Variants in DENND1C observed in about 807,000 individuals in gnomAD.
DENND1C encodes the protein DENN domain containing 1C, also known as DENN domain-containing protein 1C.
Under a neutral mutation model 87.9 loss-of-function variants are expected in DENND1C, and 64 were observed. The observed-to-expected ratio is 0.73, with a 90% confidence interval of 0.60 to 0.90. The LOEUF is 0.90. Among genes scored for constraint, DENND1C ranks in the 40% least tolerant of loss-of-function variants. DENND1C has a pLI of 0.00. For synonymous variants in DENND1C, 384 were observed against 424.4 expected (o/e 0.90, Z 1.17); for missense variants, 980 against 1,037.0 (o/e 0.95, Z 0.76).
intron 17 of DENND1C, among the ~76,000 whole-genome samples, 158 bp from the exon 18 acceptor site, chr19:6,470,524 C>T (rs1211764627): frequency 6.6e-6 from 1 of 151,808 alleles, no homozygotes; most frequent in East Asian, 1.9e-4. Flanking sequence ...TACCTGGTGA[C>T]TTGCGGAGTT....
At chr19:6,476,042 T>G in intron 10 of DENND1C, 105 bp from the exon 11 acceptor site, 1 of 1,058,674 alleles carries the variant, frequency 9.4e-7, no homozygotes, top group Non-Finnish European at 1.3e-6. Flanking sequence ...CCCCTCCCCA[T>G]CCACTGCTGG....
chr19:6,470,407 G>C (rs2092821034), intron 17 of DENND1C, 41 bp from the exon 18 acceptor site: 1 of 1,586,932 alleles, frequency 6.3e-7, no homozygotes. Flanking sequence ...GCTAGGGCCA[G>C]ATCCCACCTC....
At chr19:6,474,103 G>A (rs946053652) in intron 14 of DENND1C, among the ~76,000 whole-genome samples, 14 of 151,926 alleles carry the variant, frequency 9.2e-5, no homozygotes, top group African/African-American at 3.1e-4. Flanking sequence ...GCTGAGGCAG[G>A]AGAATTGCTT....
rs368883834 is a variant in DENND1C at position 6,475,537 on chromosome 19, C to T, written c.874G>A (p.Ala292Thr). The change falls in exon 13 of 23, where the codon GCC becomes ACC. Residue 292 changes from alanine to threonine, a missense_variant. Ala to Thr is a moderately conservative substitution (Grantham distance 58). Coordinates refer to ENST00000381480, the MANE Select transcript of DENND1C (RefSeq NM_024898.4). ...LEDVVVLNVD[A>T]NTLETTFNDV... is the part of the protein sequence containing the mutation. ...TTAAAGGTCGTCTCCAAGGTATTGGCGTCCACGTTCAGCACCACGACGTCC... is the reference window on the plus strand; with the variant it reads ...TTAAAGGTCGTCTCCAAGGTATTGGTGTCCACGTTCAGCACCACGACGTCC... 32 of 1,613,834 alleles carry T rather than the reference C, an allele frequency of 2.0e-5. No homozygotes were observed. Among genetic ancestry groups the T allele is most frequent in the African/African-American group, 2.7e-5 (2 of 74,908 alleles).
chr19:6,479,902 T>G lies in DENND1C; in HGVS notation c.83A>C (p.Asp28Ala). 1 of 1,603,220 alleles carries G rather than the reference T, an allele frequency of 6.2e-7. No homozygotes were observed. Among genetic ancestry groups the G allele is most frequent in the Non-Finnish European group, 8.5e-7 (1 of 1,175,196 alleles). Residue 28 changes from aspartate to alanine, a missense_variant and splice_region_variant, in exon 3 of 23, where the codon GAT becomes GCT. Transcript: ENST00000381480. ...EAACPASLQEDPPILRQFPPD... is the reference protein window; with the variant it reads ...EAACPASLQEAPPILRQFPPD... ...AGGGAACTGCCGCAGGATGGGGGGA[T>G]CTGTAGAAGAGAGCACGCCTCTAAG...
Position 6,467,439 on chromosome 19 carries a change from A to T in DENND1C, c.*65T>A, listed in dbSNP as rs2092801113. The T allele has an allele frequency of 2.1e-6, 3 of 1,454,824 alleles. No homozygotes were observed. The Middle Eastern group carries it at 7.4e-4, about 359-fold the overall frequency. 90.1% of individuals were successfully genotyped at this position (1,454,824 alleles called of 1,614,324 possible). ...CACCAGAGAAATTCACCAGGAAAAA[A>T]ACCAGCTTTTTTGGGCTCTTGTGGC... is the stretch of plus-strand genomic sequence containing the variant. On this transcript the variant is annotated 3_prime_UTR_variant, in exon 23 of 23. Transcript: ENST00000381480.
intron 14 of DENND1C, among the ~76,000 whole-genome samples, chr19:6,473,514 G>A (rs1248667026): frequency 5.1e-5 from 7 of 136,936 alleles, no homozygotes; most frequent in Non-Finnish European, 1.1e-4. Flanking sequence ...TCTGTCACCC[G>A]TGCTGGAGTG....
Position 6,477,096 on chromosome 19 carries a change from C to G in DENND1C, c.545G>C (p.Arg182Pro), listed in dbSNP as rs748555306. ...CACGTTCTCAGGGATGGATGGCAGG[C>G]GGCCGGAGTCCGGGGCCACGAAGCA... ...LSCFVAPDSGRLPSIPENRNL... is the reference protein window; with the variant it reads ...LSCFVAPDSGPLPSIPENRNL... The change falls in exon 9 of 23, where the codon CGC (arginine) becomes CCC (proline). Residue 182 changes from arginine to proline, a missense_variant. By Grantham distance (103) the Arg-to-Pro change is moderately radical. Transcript: ENST00000381480. The G allele has an allele frequency of 6.2e-7, 1 of 1,605,338 alleles. No homozygotes were observed.
chr19:6,471,524 C>A, intron 15 of DENND1C, 28 bp from the exon 16 acceptor site: 1 of 1,509,134 alleles, frequency 6.6e-7, no homozygotes, highest in Non-Finnish European at 8.9e-7. Context: ...AAATCAGAAA[C>A]AGCAGGAGAC....
intron 19 of DENND1C, 96 bp from the exon 20 acceptor site, chr19:6,469,049 G>C (rs1376310752): frequency 2.9e-6 from 2 of 699,244 alleles, no homozygotes; most frequent in Non-Finnish European, 4.1e-6. Context: ...TTTTTTGTTT[G>C]AAATGAAGCT....
At chr19:6,476,999 C>A (rs984323477) in intron 9 of DENND1C, 32 bp from the exon 10 acceptor site, 2 of 1,613,488 alleles carry the variant, frequency 1.2e-6, no homozygotes, top group African/African-American at 1.3e-5. Context: ...TGGGCGTGGA[C>A]GGGCCCCTGG....
At chr19:6,470,800 T>G (rs928463962) in intron 17 of DENND1C, among the ~76,000 whole-genome samples, 8 of 151,464 alleles carry the variant, frequency 5.3e-5, no homozygotes, top group African/African-American at 1.9e-4. Flanking sequence ...TTTTGTATTT[T>G]TAGTAGAGAG....
intron 10 of DENND1C, 27 bp from the exon 11 acceptor site, chr19:6,475,964 TCAGGGC>T: frequency 6.5e-7 from 1 of 1,530,636 alleles, no homozygotes; most frequent in South Asian, 1.2e-5. Flanking sequence ...GGGCGTGGAG[TCAGGGC>T]CTGGACCCTC....
chr19:6,481,619 C>T, intron 1 of DENND1C, 60 bp downstream of exon 1: 1 of 1,608,978 alleles, frequency 6.2e-7, no homozygotes, highest in Admixed American at 1.7e-5. Flanking sequence ...CCCCTCTGCC[C>T]CGGCTCAGGC....
rs59685749 is a variant in DENND1C, at chr19:6,477,606, TTAA to T, written c.367-151_367-149del. ...TTTTTTTTTCTTTCTTTAAAAGAAA[TTAA>T]TAATAATAATAATAATAATAATAGA... On this transcript the variant is annotated intron_variant, in intron 6 of 22. Coordinates refer to ENST00000381480, the MANE Select transcript of DENND1C (RefSeq NM_024898.4). The T allele has an allele frequency of 1.6e-3, 284 of 182,862 alleles. 6 individuals carry two copies. The highest frequency in any genetic ancestry group is 7.7e-3 in the East Asian group (102 of 13,288). The allele number at this position is 182,862 out of a possible 1,614,324, so 11.3% of individuals were successfully genotyped here.
In DENND1C at chr19:6,468,353, C is replaced by T; in HGVS notation, c.1672G>A (p.Asp558Asn). ...SSFLGSGEEL[D>N]LLSEILDSLS... ...CTGTCCAGAATCTCGCTCAACAAAT[C>T]CAGTTCTTCTCCAGACCCCAAGAAG... Residue 558 changes from aspartate (D) to asparagine (N), a missense_variant, in exon 22 of 23, where the codon GAT (aspartate) becomes AAT (asparagine). By Grantham distance (23) the Asp-to-Asn change is conservative. Coordinates refer to ENST00000381480, the MANE Select transcript of DENND1C (RefSeq NM_024898.4). 6.2e-7 allele frequency: 1 copy of T among 1,613,856 alleles called. No homozygotes were observed. Among genetic ancestry groups the T allele is most frequent in the Non-Finnish European group, 8.5e-7 (1 of 1,179,802 alleles).
At position 6,467,812 on chromosome 19, in the gene DENND1C, T is replaced by G. The variant is rs747484558; in HGVS notation, c.2098A>C (p.Thr700Pro). 6.5e-7 allele frequency: 1 copy of G among 1,538,724 alleles called. No individual in the cohort carries two copies. Among genetic ancestry groups the G allele is most frequent in the African/African-American group, 1.4e-5 (1 of 71,852 alleles). ...GTGGGTGCAGTGGAGAGCCAGGGAGTGGGGTTTTCCTGGGCTGTAGAATCT... is the reference window on the plus strand; with the variant it reads ...GTGGGTGCAGTGGAGAGCCAGGGAGGGGGGTTTTCCTGGGCTGTAGAATCT... ...AEDSTAQENPTPWLSTAPTEP... is the reference protein window; with the variant it reads ...AEDSTAQENPPPWLSTAPTEP... The change falls in exon 23 of 23, where the codon ACT (threonine) becomes CCT (proline). Residue 700 changes from threonine (T) to proline (P), a missense_variant. Physicochemically the swap from Thr to Pro is conservative, Grantham distance 38. Transcript: ENST00000381480.
rs370979269 is a variant in DENND1C at position 6,479,887 on chromosome 19, C to T, written c.98G>A (p.Arg33Gln). Residue 33 changes from arginine to glutamine, a missense_variant, in exon 3 of 23, where the codon CGG (arginine) becomes CAG (glutamine). Arg to Gln is a conservative substitution (Grantham distance 43). Coordinates refer to ENST00000381480, the MANE Select transcript of DENND1C (RefSeq NM_024898.4). ...GTCCCTGAAGTCTGGAGGGAACTGC[C>T]GCAGGATGGGGGGATCTGTAGAAGA... ...ASLQEDPPIL[R>Q]QFPPDFRDQE... The T allele has an allele frequency of 1.7e-5, 27 of 1,606,934 alleles. No individual in the cohort carries two copies. The highest frequency in any genetic ancestry group is 8.0e-5 in the African/African-American group (6 of 74,738).
chr19:6,479,051 G>T lies in DENND1C; in HGVS notation c.182C>A (p.Pro61His), dbSNP rs775826101. The T allele has an allele frequency of 1.2e-6, 2 of 1,613,888 alleles. No homozygotes were observed. Among genetic ancestry groups the T allele is most frequent in the Non-Finnish European group, 1.7e-6 (2 of 1,179,842 alleles). ...FCFPFDVERE[P>H]PSPAVQHFTF... The stretch of plus-strand genomic sequence containing the variant: ...GAAATGCTGCACGGCGGGGCTGGGG[G>T]GCTCCCTGGAGTGGGAAGGGCTGTT... The change falls in exon 5 of 23, where the codon CCC (proline) becomes CAC (histidine). Residue 61 changes from proline to histidine, a missense_variant. Pro to His is a moderately conservative substitution (Grantham distance 77, BLOSUM62 -2). Coordinates refer to ENST00000381480, the MANE Select transcript of DENND1C (RefSeq NM_024898.4).
Sources: allele counts gnomAD v4.1 joint callset (sites outside exome capture counted in the v4.1 genomes callset), GRCh38; gene constraint gnomAD v4.1.1; transcripts MANE v1.5; gene names NCBI Gene and HGNC (gene_info 2026-07-23, HGNC 2026-07-21).